The following JUND variants were observed in gnomAD, a reference collection of about 807,000 sequenced individuals.
JUND encodes JunD proto-oncogene, AP-1 transcription factor subunit.
A neutral mutation model predicts 7.1 loss-of-function variants in JUND; 2 were observed. The ratio of observed to expected loss-of-function variants is 0.28; its 90% CI spans 0.11 to 0.88. The LOEUF is 0.88. Among genes scored for constraint, JUND ranks in the 40% least tolerant of loss-of-function variants. JUND has a pLI of 0.60. For synonymous variants in JUND, 335 were observed against 263.2 expected (o/e 1.27, Z -2.64); for missense variants, 479 against 519.1 (o/e 0.92, Z 0.75).
Position 18,281,453 on chromosome 19 carries a change from A to G in JUND, c.32T>C (p.Leu11Pro). 1 of 1,369,506 alleles carries G rather than the reference A, an allele frequency of 7.3e-7. No individual in the cohort carries two copies. Among genetic ancestry groups the G allele is most frequent in the South Asian group, 1.7e-5 (1 of 60,298 alleles). The allele number at this position is 1,369,506 out of a possible 1,614,324, so 84.8% of individuals were successfully genotyped here. The change falls in exon 1 of 1, where the codon CTG becomes CCG. Residue 11 changes from leucine (L) to proline (P), a missense_variant. Leu to Pro is a moderately conservative substitution (Grantham distance 98). Around this residue, in one of 3 missense-constraint regions of JUND, gnomAD observed 374 missense variants for 365.4 expected, o/e 1.02. Transcript: ENST00000252818. METPFYGDEALSGLGGGASGS... is the reference protein window; with the variant it reads METPFYGDEAPSGLGGGASGS... ...ACTGGCGCCGCCGCCCAGGCCGCTC[A>G]GCGCCTCATCGCCGTAGAAGGGTGT... is the stretch of plus-strand genomic sequence containing the variant.
In JUND at chr19:18,280,511, T is replaced by C; in HGVS notation, c.974A>G (p.Lys325Arg). The C allele has an allele frequency of 6.2e-7, 1 of 1,605,672 alleles. No individual in the cohort carries two copies. ...GTTGACGTGGCTGAGGACTTTCTGC[T>C]TGAGCTGCGCCACCTGCTCGCGCAG... ...SLLREQVAQL[K>R]QKVLSHVNSG... Residue 325 changes from lysine to arginine, a missense_variant, in exon 1 of 1, where the codon AAG (lysine) becomes AGG (arginine). This residue lies in a region of JUND where 42 missense variants were observed against 37.1 expected (regional missense o/e 1.13). Transcript: ENST00000252818. The surrounding 1 kb of genome is among the most constrained non-coding windows in gnomAD (Gnocchi z 4.1).
chr19:18,280,224 C>G lies in JUND; in HGVS notation c.*217G>C. 1 of 285,656 alleles carries G rather than the reference C, an allele frequency of 3.5e-6. No individual in the cohort carries two copies. Among genetic ancestry groups the G allele is most frequent in the Admixed American group, 7.1e-5 (1 of 14,156 alleles). 17.7% of individuals were successfully genotyped at this position (285,656 alleles called of 1,614,324 possible). ...AGCGCGAGGGCGGGGGGGTCATGCG[C>G]TCGCCCCCCCGGGAGCAGGGGGTCC... On this transcript the variant is annotated 3_prime_UTR_variant, in exon 1 of 1. Coordinates refer to ENST00000252818, the MANE Select transcript of JUND (RefSeq NM_005354.6). The surrounding 1 kb of genome is among the most constrained non-coding windows in gnomAD (Gnocchi z 4.1).
Position 18,280,771 on chromosome 19 carries a change from C to T in JUND, c.714G>A (p.Ala238=). 1.3e-6 allele frequency: 2 copies of T among 1,594,294 alleles called. No individual in the cohort carries two copies. The highest frequency in any genetic ancestry group is 1.7e-6 in the Non-Finnish European group (2 of 1,176,312). The change falls in exon 1 of 1, where the codon GCG becomes GCA. Residue 238 remains alanine, a synonymous_variant. Transcript: ENST00000252818. The surrounding 1 kb of genome is among the most constrained non-coding windows in gnomAD (Gnocchi z 4.1). The part of the protein sequence containing the change: ...PGALGPPRLA[A]LKDEPQTVPD... ...GCACCGTCTGTGGCTCGTCCTTGAG[C>T]GCAGCCAGGCGCGGCGGCCCCAACG...
In JUND at chr19:18,281,028, G is replaced by A. The variant is rs1249894759; in HGVS notation, c.457C>T (p.Leu153Phe). ...ALEDLHKQNQ[L>F]GAGAAAAAAA... ...GCGGCAGCGGCCGCGCCCGCGCCGA[G>A]CTGGTTCTGCTTGTGTAAATCCTCC... Residue 153 changes from leucine (L) to phenylalanine (F), a missense_variant, in exon 1 of 1, where the codon CTC (leucine) becomes TTC (phenylalanine). Leu to Phe is a conservative substitution (Grantham distance 22). Around this residue, in one of 3 missense-constraint regions of JUND, gnomAD observed 374 missense variants for 365.4 expected, o/e 1.02. Coordinates refer to ENST00000252818, the MANE Select transcript of JUND (RefSeq NM_005354.6). 6.9e-7 allele frequency: 1 copy of A among 1,446,588 alleles called. No individual in the cohort carries two copies. Among genetic ancestry groups the A allele is most frequent in the Non-Finnish European group, 9.1e-7 (1 of 1,095,596 alleles). The allele number at this position is 1,446,588 out of a possible 1,614,324, so 89.6% of individuals were successfully genotyped here. A position where few individuals can be genotyped will look rare whatever the true frequency, so the allele number is the denominator to read the frequency against.
At position 18,280,714 on chromosome 19, in the gene JUND, C is replaced by T; in HGVS notation, c.771G>A (p.Pro257=). 6.2e-7 allele frequency: 1 copy of T among 1,611,164 alleles called. No homozygotes were observed. The highest frequency in any genetic ancestry group is 2.2e-5 in the East Asian group (1 of 44,792). ...GCGTGTCCATGTCGATGGGCGACAA[C>T]GGCGGGCTCTCGCCGAAGCTCGGCA... ...PDVPSFGESP[P]LSPIDMDTQE... The change falls in exon 1 of 1, where the codon CCG becomes CCA. Residue 257 remains proline (P), a synonymous_variant. Transcript: ENST00000252818. This position sits in a 1 kb window ranked among gnomAD's most constrained non-coding sequence, Gnocchi z 4.1.
chr19:18,280,580 G>A lies in JUND; in HGVS notation c.905C>T (p.Thr302Ile), dbSNP rs142576035. The part of the protein sequence containing the change: ...RISRLEEKVK[T>I]LKSQNTELAS... Reference sequence around the variant, plus strand: ...CAGCTCCGTGTTCTGACTCTTGAGGGTCTTCACTTTCTCTTCCAGGCGCGA... The same window carrying A: ...CAGCTCCGTGTTCTGACTCTTGAGGATCTTCACTTTCTCTTCCAGGCGCGA... The change falls in exon 1 of 1, where the codon ACC becomes ATC. Residue 302 changes from threonine (T) to isoleucine (I), a missense_variant. Around this residue, in one of 3 missense-constraint regions of JUND, gnomAD observed 63 missense variants for 116.6 expected, o/e 0.54. Transcript: ENST00000252818. This position sits in a 1 kb window ranked among gnomAD's most constrained non-coding sequence, Gnocchi z 4.1. 6.9e-5 allele frequency: 112 copies of A among 1,612,910 alleles called. No individual in the cohort carries two copies. Among genetic ancestry groups the A allele is most frequent in the East Asian group, 3.3e-4 (15 of 44,838 alleles).
Position 18,281,443 on chromosome 19 carries a change from C to T in JUND, c.42G>A (p.Leu14=). 1 of 1,370,340 alleles carries T rather than the reference C, an allele frequency of 7.3e-7. No homozygotes were observed. The highest frequency in any genetic ancestry group is 9.4e-7 in the Non-Finnish European group (1 of 1,065,408). 84.9% of individuals were successfully genotyped at this position (1,370,340 alleles called of 1,614,324 possible). ...PFYGDEALSG[L]GGGASGSGGS... ...CGCCGCTGCCACTGGCGCCGCCGCC[C>T]AGGCCGCTCAGCGCCTCATCGCCGT... The change falls in exon 1 of 1, where the codon CTG becomes CTA. Residue 14 remains leucine (L), a synonymous_variant. Transcript: ENST00000252818.
rs1969927318 is a variant in JUND, at chr19:18,280,668, G to A, written c.817C>T (p.Arg273Cys). The change falls in exon 1 of 1, where the codon CGC (arginine) becomes TGC (cysteine). Residue 273 changes from arginine to cysteine, a missense_variant. Physicochemically the swap from Arg to Cys is radical, Grantham distance 180. This residue lies in a region of JUND where 63 missense variants were observed against 116.6 expected (regional missense o/e 0.54). Coordinates refer to ENST00000252818, the MANE Select transcript of JUND (RefSeq NM_005354.6). This position sits in a 1 kb window ranked among gnomAD's most constrained non-coding sequence, Gnocchi z 4.1. Reference protein sequence around the residue: ...MDTQERIKAERKRLRNRIAAS... With the variant: ...MDTQERIKAECKRLRNRIAAS... The stretch of plus-strand genomic sequence containing the variant: ...GCGATGCGGTTGCGCAGCCGCTTGC[G>A]CTCCGCCTTGATGCGCTCCTGCGTG... 1.2e-6 allele frequency: 2 copies of A among 1,612,424 alleles called. No homozygotes were observed. The highest frequency in any genetic ancestry group is 1.7e-6 in the Non-Finnish European group (2 of 1,179,776).
At position 18,280,241 on chromosome 19, in the gene JUND, A is replaced by G. The variant is rs1969912088; in HGVS notation, c.*200T>C. On this transcript the variant is annotated 3_prime_UTR_variant, in exon 1 of 1. Coordinates refer to ENST00000252818, the MANE Select transcript of JUND (RefSeq NM_005354.6). This position sits in a 1 kb window ranked among gnomAD's most constrained non-coding sequence, Gnocchi z 4.1. ...GTCATGCGCTCGCCCCCCCGGGAGC[A>G]GGGGGTCCAGCTTGTCGAGTCCTGG... 1 of 172,112 alleles carries G rather than the reference A, an allele frequency of 5.8e-6. No individual in the cohort carries two copies. The highest frequency in any genetic ancestry group is 4.6e-5 in the South Asian group (1 of 21,532). The allele number at this position is 172,112 out of a possible 1,614,324, so 10.7% of individuals were successfully genotyped here. A position where few individuals can be genotyped will look rare whatever the true frequency, so the allele number is the denominator to read the frequency against.
Position 18,280,790 on chromosome 19 carries a change from CCCAACGCGCCTGGGGGTGGCGGCGGCG to C in JUND, c.668_694del (p.Pro223_Gly232delinsArg). On this transcript the variant is annotated inframe_deletion, in exon 1 of 1. Coordinates refer to ENST00000252818, the MANE Select transcript of JUND (RefSeq NM_005354.6). This position sits in a 1 kb window ranked among gnomAD's most constrained non-coding sequence, Gnocchi z 4.1. ...CTTGAGCGCAGCCAGGCGCGGCGGC[CCCAACGCGCCTGGGGGTGGCGGCGGCG>C]GGAAGGGCACAGGTTCGGCAGCGAA... 2 of 1,585,418 alleles carry C rather than the reference CCCAACGCGCCTGGGGGTGGCGGCGGCG, an allele frequency of 1.3e-6. No homozygotes were observed. The highest frequency in any genetic ancestry group is 1.7e-6 in the Non-Finnish European group (2 of 1,173,514).
At position 18,280,584 on chromosome 19, in the gene JUND, T is replaced by C. The variant is rs1969925671; in HGVS notation, c.901A>G (p.Lys301Glu). 1.2e-6 allele frequency: 2 copies of C among 1,612,920 alleles called. No individual in the cohort carries two copies. Among genetic ancestry groups the C allele is most frequent in the African/African-American group, 2.7e-5 (2 of 74,924 alleles). The change falls in exon 1 of 1, where the codon AAG (lysine) becomes GAG (glutamate). Residue 301 changes from lysine to glutamate, a missense_variant. Around this residue, in one of 3 missense-constraint regions of JUND, gnomAD observed 63 missense variants for 116.6 expected, o/e 0.54. Coordinates refer to ENST00000252818, the MANE Select transcript of JUND (RefSeq NM_005354.6). The surrounding 1 kb of genome is among the most constrained non-coding windows in gnomAD (Gnocchi z 4.1). Reference sequence around the variant, plus strand: ...TCCGTGTTCTGACTCTTGAGGGTCTTCACTTTCTCTTCCAGGCGCGAGATG... The same window carrying C: ...TCCGTGTTCTGACTCTTGAGGGTCTCCACTTTCTCTTCCAGGCGCGAGATG... ...ERISRLEEKV[K>E]TLKSQNTELA... is the part of the protein sequence containing the mutation.
Position 18,281,430 on chromosome 19 carries a change from T to C in JUND, c.55A>G (p.Ser19Gly). ...GACGCGAAGCTGCCGCCGCTGCCAC[T>C]GGCGCCGCCGCCCAGGCCGCTCAGC... The part of the protein sequence containing the change: ...EALSGLGGGA[S>G]GSGGSFASPG... The change falls in exon 1 of 1, where the codon AGT (serine) becomes GGT (glycine). Residue 19 changes from serine (S) to glycine (G), a missense_variant. Around this residue, in one of 3 missense-constraint regions of JUND, gnomAD observed 374 missense variants for 365.4 expected, o/e 1.02. Transcript: ENST00000252818. The C allele has an allele frequency of 5.1e-6, 7 of 1,365,732 alleles. No individual in the cohort carries two copies. The highest frequency in any genetic ancestry group is 3.6e-5 in the Admixed American group (1 of 27,444). The allele number at this position is 1,365,732 out of a possible 1,614,324, so 84.6% of individuals were successfully genotyped here. A position where few individuals can be genotyped will look rare whatever the true frequency, so the allele number is the denominator to read the frequency against.
Position 18,280,244 on chromosome 19 carries a change from G to A in JUND, c.*197C>T, listed in dbSNP as rs560864628. The A allele has an allele frequency of 7.1e-6, 4 of 562,688 alleles. No individual in the cohort carries two copies. The highest frequency in any genetic ancestry group is 3.3e-5 in the East Asian group (1 of 29,942). 34.9% of individuals were successfully genotyped at this position (562,688 alleles called of 1,614,324 possible). On this transcript the variant is annotated 3_prime_UTR_variant, in exon 1 of 1. Transcript: ENST00000252818. The surrounding 1 kb of genome is among the most constrained non-coding windows in gnomAD (Gnocchi z 4.1). ...ATGCGCTCGCCCCCCCGGGAGCAGGGGGTCCAGCTTGTCGAGTCCTGGGCA... is the reference window on the plus strand; with the variant it reads ...ATGCGCTCGCCCCCCCGGGAGCAGGAGGTCCAGCTTGTCGAGTCCTGGGCA...
Position 18,280,860 on chromosome 19 carries a change from C to T in JUND, c.625G>A (p.Gly209Ser), listed in dbSNP as rs1969931897. ...SYAGGAGGAG[G>S]AATVAFAAEP... ...GCAGCGAAGGCGACCGTCGCGGCGC[C>T]CCCCGCGCCCCCGGCGCCGCCCGCG... Residue 209 changes from glycine (G) to serine (S), a missense_variant, in exon 1 of 1, where the codon GGC becomes AGC. Physicochemically the swap from Gly to Ser is moderately conservative, Grantham distance 56 (BLOSUM62 0). Coordinates refer to ENST00000252818, the MANE Select transcript of JUND (RefSeq NM_005354.6). The surrounding 1 kb of genome is among the most constrained non-coding windows in gnomAD (Gnocchi z 4.1). The T allele has an allele frequency of 7.6e-7, 1 of 1,310,440 alleles. No individual in the cohort carries two copies. The highest frequency in any genetic ancestry group is 4.3e-5 in the Admixed American group (1 of 23,528). 81.2% of individuals were successfully genotyped at this position (1,310,440 alleles called of 1,614,324 possible).
At position 18,281,092 on chromosome 19, in the gene JUND, G is replaced by A. The variant is rs1406308646; in HGVS notation, c.393C>T (p.Ser131=). The A allele has an allele frequency of 5.1e-6, 8 of 1,578,834 alleles. No individual in the cohort carries two copies. Among genetic ancestry groups the A allele is most frequent in the African/African-American group, 1.4e-5 (1 of 71,788 alleles). Residue 131 remains serine (S), a synonymous_variant, in exon 1 of 1, where the codon AGC becomes AGT. Coordinates refer to ENST00000252818, the MANE Select transcript of JUND (RefSeq NM_005354.6). ...SQFLYPKVAA[S]EEQEFAEGFV... The stretch of plus-strand genomic sequence containing the variant: ...AGCCCTCGGCGAACTCCTGCTCCTC[G>A]CTGGCCGCCACCTTGGGGTAGAGGA...
chr19:18,280,308 C>T lies in JUND; in HGVS notation c.*133G>A, dbSNP rs1422866050. The T allele has an allele frequency of 7.6e-6, 7 of 917,134 alleles. No individual in the cohort carries two copies. The African/African-American group carries it at 1.1e-4, about 14-fold the overall frequency. The allele number at this position is 917,134 out of a possible 1,614,324, so 56.8% of individuals were successfully genotyped here. On this transcript the variant is annotated 3_prime_UTR_variant, in exon 1 of 1. Coordinates refer to ENST00000252818, the MANE Select transcript of JUND (RefSeq NM_005354.6). This position sits in a 1 kb window ranked among gnomAD's most constrained non-coding sequence, Gnocchi z 4.1. ...GGAATCCCCGGGGGCCGCGCCCTCT[C>T]TGAGTTCCTGGGCACACTCGGGGAG...
At position 18,281,101 on chromosome 19, in the gene JUND, C is replaced by T; in HGVS notation, c.384G>A (p.Val128=). ...PTSSQFLYPK[V]AASEEQEFAE... ...CGAACTCCTGCTCCTCGCTGGCCGC[C>T]ACCTTGGGGTAGAGGAACTGTGAGC... The change falls in exon 1 of 1, where the codon GTG becomes GTA. Residue 128 remains valine (V), a synonymous_variant. Transcript: ENST00000252818. 1 of 1,580,624 alleles carries T rather than the reference C, an allele frequency of 6.3e-7. No homozygotes were observed. Among genetic ancestry groups the T allele is most frequent in the South Asian group, 1.1e-5 (1 of 87,830 alleles).
In JUND at chr19:18,280,175, G is replaced by C; in HGVS notation, c.*266C>G. 1 of 414,078 alleles carries C rather than the reference G, an allele frequency of 2.4e-6. No homozygotes were observed. The highest frequency in any genetic ancestry group is 4.3e-6 in the Non-Finnish European group (1 of 230,316). The allele number at this position is 414,078 out of a possible 1,614,324, so 25.7% of individuals were successfully genotyped here. A position where few individuals can be genotyped will look rare whatever the true frequency, so the allele number is the denominator to read the frequency against. On this transcript the variant is annotated 3_prime_UTR_variant, in exon 1 of 1. Coordinates refer to ENST00000252818, the MANE Select transcript of JUND (RefSeq NM_005354.6). The surrounding 1 kb of genome is among the most constrained non-coding windows in gnomAD (Gnocchi z 4.1). The stretch of plus-strand genomic sequence containing the variant: ...AGACGCGCGGGTTTGTGCAACACGG[G>C]GCGGCCGCGCGGGGGAAAGAGGCAG...
In JUND at chr19:18,280,639, G is replaced by A. The variant is rs1397419935; in HGVS notation, c.846C>T (p.Ala282=). Residue 282 remains alanine (A), a synonymous_variant, in exon 1 of 1, where the codon GCC becomes GCT. Coordinates refer to ENST00000252818, the MANE Select transcript of JUND (RefSeq NM_005354.6). This position sits in a 1 kb window ranked among gnomAD's most constrained non-coding sequence, Gnocchi z 4.1. ...ERKRLRNRIA[A]SKCRKRKLER... ...CCAGCTTGCGCTTGCGGCACTTGGA[G>A]GCGGCGATGCGGTTGCGCAGCCGCT... 2 of 1,612,698 alleles carry A rather than the reference G, an allele frequency of 1.2e-6. No individual in the cohort carries two copies. Among genetic ancestry groups the A allele is most frequent in the East Asian group, 2.2e-5 (1 of 44,836 alleles).
Sources: gnomAD v4.1 joint callset for allele counts on GRCh38, gnomAD v4.1.1 for gene constraint, gnomAD v4.1.1 regional missense constraint, Gnocchi (gnomAD v3.1) non-coding constraint, MANE v1.5 for transcripts, NCBI Gene and HGNC (gene_info 2026-07-23, HGNC 2026-07-21) for gene names.